GHR: variants seen among roughly 807,000 people sequenced by gnomAD.
The protein encoded by GHR is GH receptor.
GHR carries 35 observed loss-of-function variants against 67.1 expected under a neutral mutation model. The observed-to-expected ratio is 0.52, with a 90% CI of 0.40 to 0.69. The LOEUF is 0.69. Among genes scored for constraint, GHR ranks in the 30% least tolerant of loss-of-function variants. The probability of loss-of-function intolerance (pLI) is 0.00; values close to 1 mark genes in which losing one functional copy is unlikely to be tolerated. For synonymous variants in GHR, 272 were observed against 269.1 expected, an observed-to-expected ratio of 1.01 and a Z score of -0.10; for missense variants, 792 against 764.6, an observed-to-expected ratio of 1.04 and a Z score of -0.42.
chr5:42,452,103 G>A (rs1274760424), intron 1 of GHR, among the ~76,000 whole-genome samples: 1 of 152,118 alleles, frequency 6.6e-6, no homozygotes, highest in Admixed American at 6.5e-5. Flanking sequence ...TTTGGTAGTG[G>A]CAAATTCCCT....
At position 42,529,352 on chromosome 5, in the gene GHR, T is replaced by G. The variant is rs188343071; in HGVS notation, c.-11-36512T>G. Among the ~76,000 whole-genome samples the G allele has an allele frequency of 3.0e-3, 460 of 152,276 alleles. 2 individuals carry two copies. Among genetic ancestry groups the G allele is most frequent in the African/African-American group, 0.011 (455 of 41,564 alleles). Reference sequence around the variant, plus strand: ...TACAGTAGGAAACCAAAAAATTGTGTGGCTTGCTTTATTGAGATATTTGCT... The same window carrying G: ...TACAGTAGGAAACCAAAAAATTGTGGGGCTTGCTTTATTGAGATATTTGCT... On this transcript the variant is annotated intron_variant, in intron 1 of 9. Coordinates refer to ENST00000230882, the MANE Select transcript of GHR (RefSeq NM_000163.5).
At chr5:42,621,673 T>C (rs2112715232) in intron 2 of GHR, among the ~76,000 whole-genome samples, 1 of 152,338 alleles carries the variant, frequency 6.6e-6, no homozygotes, top group South Asian at 2.1e-4. Flanking sequence ...AACATGTGCT[T>C]TTTTAAATGA....
chr5:42,657,746 C>T (rs1454393981), intron 3 of GHR, among the ~76,000 whole-genome samples: 1 of 152,020 alleles, frequency 6.6e-6, no homozygotes, highest in East Asian at 1.9e-4. Context: ...TTTCCCTTTC[C>T]TTATGAAGTT....
At chr5:42,627,290 T>A (rs34194895) in intron 2 of GHR, among the ~76,000 whole-genome samples, 2,422 of 152,338 alleles carry the variant, frequency 0.016, 102 homozygotes, top group East Asian at 0.14. Context: ...ACTCAAATAA[T>A]GTAGGAAATC....
At chr5:42,673,146 A>G (rs1316530964) in intron 3 of GHR, among the ~76,000 whole-genome samples, 1 of 152,212 alleles carries the variant, frequency 6.6e-6, no homozygotes, top group East Asian at 1.9e-4. Context: ...ACAGCTAACA[A>G]ACATGAAAAA....
At chr5:42,511,458 G>GT (rs1747011976) in intron 1 of GHR, among the ~76,000 whole-genome samples, 2 of 152,138 alleles carry the variant, frequency 1.3e-5, no homozygotes, top group Non-Finnish European at 2.9e-5. Context: ...TTCCTCCTTT[G>GT]TTTTTCTCTA....
At chr5:42,554,497 A>G (rs904475203) in intron 1 of GHR, among the ~76,000 whole-genome samples, 16 of 152,214 alleles carry the variant, frequency 1.1e-4, no homozygotes, top group Non-Finnish European at 1.9e-4. Flanking sequence ...CAGATCTTGC[A>G]AAATAACTGT....
intron 3 of GHR, among the ~76,000 whole-genome samples, chr5:42,661,512 T>G (rs1224560374): frequency 1.3e-5 from 2 of 152,134 alleles, no homozygotes; most frequent in African/African-American, 4.8e-5. Context: ...CTAAGCTTCA[T>G]AAGTGAAGGG....
intron 3 of GHR, among the ~76,000 whole-genome samples, chr5:42,646,698 T>G (rs915249040): frequency 1.7e-4 from 26 of 152,168 alleles, no homozygotes; most frequent in Non-Finnish European, 3.5e-4. Flanking sequence ...GAAAATATTG[T>G]CCCACTTTCA....
chr5:42,443,259 T>C (rs1205266795), intron 1 of GHR, among the ~76,000 whole-genome samples: 1 of 152,194 alleles, frequency 6.6e-6, no homozygotes, highest in East Asian at 1.9e-4. Flanking sequence ...GAATATTCAT[T>C]AATGTATTAC....
chr5:42,535,781 A>G (rs1333887168), intron 1 of GHR, among the ~76,000 whole-genome samples: 1 of 152,140 alleles, frequency 6.6e-6, no homozygotes, highest in African/African-American at 2.4e-5. Flanking sequence ...GATTCTACCT[A>G]TCCATGAGCA....
intron 1 of GHR, among the ~76,000 whole-genome samples, chr5:42,555,291 C>A (rs1749247932): frequency 1.3e-5 from 2 of 152,126 alleles, no homozygotes. Context: ...TGTAATACAG[C>A]CCTTGAAGAA....
At chr5:42,556,877 C>T (rs1749339223) in intron 1 of GHR, among the ~76,000 whole-genome samples, 1 of 152,174 alleles carries the variant, frequency 6.6e-6, no homozygotes, top group African/African-American at 2.4e-5. Flanking sequence ...TATGGCCAAG[C>T]ATTTGGCTAC....
chr5:42,572,236 T>C (rs1750365590), intron 2 of GHR, among the ~76,000 whole-genome samples: 1 of 152,186 alleles, frequency 6.6e-6, no homozygotes, highest in Non-Finnish European at 1.5e-5. Flanking sequence ...GGGCCTCTAC[T>C]TGGCTTGTAA....
At chr5:42,636,127 G>A (rs1186302221) in intron 3 of GHR, among the ~76,000 whole-genome samples, 7 of 149,186 alleles carry the variant, frequency 4.7e-5, no homozygotes, top group East Asian at 2.0e-4. Context: ...GGAGAATGGC[G>A]TGAACCCGGG....
At chr5:42,475,229 G>T (rs1394206070) in intron 1 of GHR, among the ~76,000 whole-genome samples, 2 of 152,196 alleles carry the variant, frequency 1.3e-5, no homozygotes, top group South Asian at 2.1e-4. Flanking sequence ...CTTTCTGTGG[G>T]TTAAAGGGAA....
At chr5:42,567,705 C>T (rs776768578) in intron 2 of GHR, among the ~76,000 whole-genome samples, 25 of 150,876 alleles carry the variant, frequency 1.7e-4, no homozygotes, top group Non-Finnish European at 3.5e-4. Flanking sequence ...AAGGATGGGG[C>T]ATGATGTTTA....
intron 6 of GHR, among the ~76,000 whole-genome samples, chr5:42,710,695 G>A (rs1758410818): frequency 6.6e-6 from 1 of 152,036 alleles, no homozygotes; most frequent in Admixed American, 6.6e-5. Flanking sequence ...TTCAATAAAG[G>A]CAATTATGAT....
rs1758956187 is a variant in GHR, at chr5:42,720,283, C to A, written c.*859C>A. 1 of 151,932 alleles carries A rather than the reference C, an allele frequency of 6.6e-6. No homozygotes were observed. The highest frequency in any genetic ancestry group is 2.1e-4 in the South Asian group (1 of 4,814). The allele number at this position is 151,932 out of a possible 1,614,324, so 9.4% of individuals were successfully genotyped here. A position where few individuals can be genotyped will look rare whatever the true frequency, so the allele number is the denominator to read the frequency against. ...TTGCACAGATCAACTTACCAGGCAC[C>A]AAAAGAAGTAAAAGCAAAAAAGAAA... On this transcript the variant is annotated 3_prime_UTR_variant, in exon 10 of 10. Transcript: ENST00000230882.
Sources: gnomAD v4.1 joint callset for allele counts (sites outside exome capture counted in the v4.1 genomes callset) on GRCh38, gnomAD v4.1.1 for gene constraint, MANE v1.5 for transcripts, NCBI Gene and HGNC (gene_info 2026-07-23, HGNC 2026-07-21) for gene names.